The following ASTN2 variants were observed in gnomAD, a reference collection of about 807,000 sequenced individuals.
ASTN2 encodes astrotactin-2.
A neutral mutation model predicts 139.8 loss-of-function variants in ASTN2; 54 were observed. That is an observed-to-expected ratio of 0.39 (90% CI 0.31 to 0.48). The LOEUF is 0.48. ASTN2 is among the 20% of genes least tolerant of loss of function. The probability of loss-of-function intolerance (pLI) is 0.95; values close to 1 mark genes in which losing one functional copy is unlikely to be tolerated. For synonymous variants in ASTN2, 756 were observed against 719.5 expected, an observed-to-expected ratio of 1.05 and a Z score of -0.81; for missense variants, 1,565 against 1,725.1, an observed-to-expected ratio of 0.91 and a Z score of 1.64.
chr9:116,849,821 T>C (rs549600413), intron 11 of ASTN2, among the ~76,000 whole-genome samples: 9 of 152,208 alleles, frequency 5.9e-5, no homozygotes, highest in East Asian at 1.9e-4. Flanking sequence ...CACCTTCTCA[T>C]TGATCACTCA....
rs190592890 is a variant in ASTN2, at chr9:116,669,951, C to A, written c.2807-18158G>T. Among the ~76,000 whole-genome samples the A allele has an allele frequency of 1.2e-3, 176 of 151,898 alleles. 1 individual carries two copies. The highest frequency in any genetic ancestry group is 4.1e-3 in the African/African-American group (170 of 41,450). Reference sequence around the variant, plus strand: ...TCCCACGTAGCTGGGATTACAGGCACGTGCCACCACGCCCAGCTAATTTTT... The same window carrying A: ...TCCCACGTAGCTGGGATTACAGGCAAGTGCCACCACGCCCAGCTAATTTTT... On this transcript the variant is annotated intron_variant, in intron 16 of 22. Coordinates refer to ENST00000313400, the MANE Select transcript of ASTN2 (RefSeq NM_001365068.1).
At chr9:116,886,281 T>C (rs946325996) in intron 10 of ASTN2, among the ~76,000 whole-genome samples, 5 of 152,258 alleles carry the variant, frequency 3.3e-5, no homozygotes, top group Non-Finnish European at 7.3e-5. Flanking sequence ...AAGGAATTGG[T>C]AGAGACAGTG....
intron 3 of ASTN2, among the ~76,000 whole-genome samples, chr9:117,192,132 G>C (rs566571764): frequency 6.6e-6 from 1 of 152,128 alleles, no homozygotes; most frequent in East Asian, 1.9e-4. Context: ...CAGCTCAGAG[G>C]ATGGCTATCA....
At chr9:117,358,964 C>A (rs147729195) in intron 1 of ASTN2, among the ~76,000 whole-genome samples, 1 of 152,082 alleles carries the variant, frequency 6.6e-6, no homozygotes. Context: ...TCTCCAACAT[C>A]GGTGAATGGT....
At chr9:116,561,233 A>G (rs1205912201) in intron 19 of ASTN2, among the ~76,000 whole-genome samples, 1 of 152,068 alleles carries the variant, frequency 6.6e-6, no homozygotes, top group Non-Finnish European at 1.5e-5. Flanking sequence ...TCATCTTCTT[A>G]TGTCTGTCTC....
intron 1 of ASTN2, among the ~76,000 whole-genome samples, chr9:117,391,328 G>C (rs1830534937): frequency 1.3e-5 from 2 of 152,186 alleles, no homozygotes; most frequent in Non-Finnish European, 2.9e-5. Context: ...ATTTACAAAA[G>C]AAAGAGGTTT....
chr9:117,242,215 C>A (rs372074760), intron 2 of ASTN2, among the ~76,000 whole-genome samples: 2 of 151,936 alleles, frequency 1.3e-5, no homozygotes, highest in East Asian at 3.9e-4. Context: ...GGAATGGTTC[C>A]CCTGGACATA....
At chr9:116,655,873 TTTG>T (rs1554726447) in intron 16 of ASTN2, among the ~76,000 whole-genome samples, 28 of 151,480 alleles carry the variant, frequency 1.8e-4, no homozygotes, top group Admixed American at 3.3e-4. Context: ...TCTTGTGTTT[TTTG>T]TTGTTGTTGT....
At chr9:116,882,929 T>C (rs2132372996) in intron 10 of ASTN2, among the ~76,000 whole-genome samples, 1 of 152,328 alleles carries the variant, frequency 6.6e-6, no homozygotes, top group East Asian at 1.9e-4. Context: ...AATGCTATTT[T>C]CGTATTCCAC....
chr9:116,636,365 A>G (rs1310659820), intron 17 of ASTN2, among the ~76,000 whole-genome samples: 1 of 152,186 alleles, frequency 6.6e-6, no homozygotes, highest in East Asian at 1.9e-4. Context: ...CATAAATCAC[A>G]TACCATACAT....
Position 116,689,596 on chromosome 9 carries a change from C to T in ASTN2, c.2806+36175G>A, listed in dbSNP as rs187054436. Among the ~76,000 whole-genome samples the T allele has an allele frequency of 4.3e-4, 65 of 152,290 alleles. 1 individual carries two copies. The South Asian group carries it at 5.6e-3, about 13-fold the overall frequency. ...AGATCTCTGTAACTCCGTATATTCCCGCTTTCCTTGCTTCTTCCTTGCTAG... is the reference window on the plus strand; with the variant it reads ...AGATCTCTGTAACTCCGTATATTCCTGCTTTCCTTGCTTCTTCCTTGCTAG... On this transcript the variant is annotated intron_variant, in intron 16 of 22. Coordinates refer to ENST00000313400, the MANE Select transcript of ASTN2 (RefSeq NM_001365068.1).
At chr9:117,049,413 T>G (rs1838849457) in intron 5 of ASTN2, among the ~76,000 whole-genome samples, 1 of 152,162 alleles carries the variant, frequency 6.6e-6, no homozygotes, top group Admixed American at 6.5e-5. Context: ...TTCCCTAAAG[T>G]ATTAAGACAT....
rs188319103 is a variant in ASTN2 at position 117,191,075 on chromosome 9, A to T, written c.1015+23283T>A. On this transcript the variant is annotated intron_variant, in intron 3 of 22. Coordinates refer to ENST00000313400, the MANE Select transcript of ASTN2 (RefSeq NM_001365068.1). ...AATGTGTATGGAGACTTCCCAACAG[A>T]TATTGAGCTAAACATGTATCAAGAA... 3.2e-3 allele frequency among the ~76,000 whole-genome samples: 490 copies of T among 152,276 alleles called. 2 individuals are homozygous for T. The highest frequency in any genetic ancestry group is 5.1e-3 in the Non-Finnish European group (349 of 68,008).
At chr9:116,509,461 A>G (rs1283387346) in intron 19 of ASTN2, among the ~76,000 whole-genome samples, 1 of 152,162 alleles carries the variant, frequency 6.6e-6, no homozygotes, top group Non-Finnish European at 1.5e-5. Context: ...TAGTGCCGCA[A>G]TAAACATATG....
chr9:117,353,681 T>A (rs1449370734), intron 1 of ASTN2, among the ~76,000 whole-genome samples: 1 of 152,158 alleles, frequency 6.6e-6, no homozygotes, highest in Non-Finnish European at 1.5e-5. Flanking sequence ...TTAGTTCACC[T>A]TTACCTCCAA....
At chr9:116,835,467 A>G (rs761994247) in intron 11 of ASTN2, among the ~76,000 whole-genome samples, 24 of 152,204 alleles carry the variant, frequency 1.6e-4, no homozygotes, top group Non-Finnish European at 2.5e-4. Context: ...TCCCAATCCT[A>G]AAGAGATTAA....
At chr9:116,551,575 T>G (rs531025779) in intron 19 of ASTN2, among the ~76,000 whole-genome samples, 33 of 152,246 alleles carry the variant, frequency 2.2e-4, no homozygotes, top group African/African-American at 7.2e-4. Context: ...CTCCAATCTT[T>G]CCCATTTGGG....
At chr9:117,160,323 G>GTA (rs1343895404) in intron 3 of ASTN2, among the ~76,000 whole-genome samples, 1 of 151,984 alleles carries the variant, frequency 6.6e-6, no homozygotes, top group Admixed American at 6.6e-5. Flanking sequence ...CACAGAAGTG[G>GTA]TATAGTATTA....
At chr9:116,449,636 A>G (rs942963552) in intron 20 of ASTN2, among the ~76,000 whole-genome samples, 1 of 152,176 alleles carries the variant, frequency 6.6e-6, no homozygotes, top group Non-Finnish European at 1.5e-5. Context: ...GGGCAGGCTC[A>G]TGAGTGCTTT....
Sources: gnomAD v4.1 joint callset for allele counts (sites outside exome capture counted in the v4.1 genomes callset) on GRCh38, gnomAD v4.1.1 for gene constraint, MANE v1.5 for transcripts, NCBI Gene and HGNC (gene_info 2026-07-23, HGNC 2026-07-21) for gene names.